Variants in HELZ observed in about 807,000 individuals in gnomAD.
The protein encoded by HELZ is helicase with zinc finger.
In HELZ, 23 loss-of-function variants were observed where a neutral mutation model predicts 218.2. That is an observed-to-expected ratio of 0.11 (90% CI 0.08 to 0.15). HELZ has a LOEUF of 0.15. Ranked by LOEUF, HELZ falls within the 10% of genes least tolerant of loss-of-function variation. The probability of loss-of-function intolerance (pLI) is 1.00; values close to 1 mark genes in which losing one functional copy is unlikely to be tolerated. For missense variants in HELZ, 1,813 were observed against 2,353.7 expected (o/e 0.77, Z 4.75); for synonymous variants, 814 against 829.4 (o/e 0.98, Z 0.32).
In HELZ at chr17:67,078,180, A is replaced by G; in HGVS notation, c.*72T>C. 9.7e-7 allele frequency: 1 copy of G among 1,031,662 alleles called. No individual in the cohort carries two copies. The highest frequency in any genetic ancestry group is 1.5e-6 in the Non-Finnish European group (1 of 673,794). 63.9% of individuals were successfully genotyped at this position (1,031,662 alleles called of 1,614,324 possible). A position where few individuals can be genotyped will look rare whatever the true frequency, so the allele number is the denominator to read the frequency against. Reference sequence around the variant, plus strand: ...AAGGGAACTGTGCATCTATAGATGAAGTCCAACTACCTTAATTCTACTGAT... The same window carrying G: ...AAGGGAACTGTGCATCTATAGATGAGGTCCAACTACCTTAATTCTACTGAT... On this transcript the variant is annotated 3_prime_UTR_variant, in exon 33 of 33. Coordinates refer to ENST00000358691, the MANE Select transcript of HELZ (RefSeq NM_014877.4).
intron 3 of HELZ, among the ~76,000 whole-genome samples, chr17:67,230,119 A>AT (rs201489352): frequency 1.3e-5 from 2 of 152,040 alleles, no homozygotes; most frequent in Non-Finnish European, 1.5e-5. Context: ...TAAAATTGAG[A>AT]TTTTTTTTCC....
At chr17:67,155,528 T>G (rs1049203723) in intron 17 of HELZ, among the ~76,000 whole-genome samples, 1 of 152,238 alleles carries the variant, frequency 6.6e-6, no homozygotes, top group African/African-American at 2.4e-5. Flanking sequence ...TGCATATTAT[T>G]TGTTAGGAGC....
At position 67,188,101 on chromosome 17, in the gene HELZ, C is replaced by A; in HGVS notation, c.1162+218G>T. 1 of 473,762 alleles carries A rather than the reference C, an allele frequency of 2.1e-6. No homozygotes were observed. Among genetic ancestry groups the A allele is most frequent in the Non-Finnish European group, 3.7e-6 (1 of 267,424 alleles). The allele number at this position is 473,762 out of a possible 1,614,324, so 29.3% of individuals were successfully genotyped here. Reference sequence around the variant, plus strand: ...CATCTACTCATACAAGTTTGGGGAACCTCAAAGTTCAAGCTTTACCTGGTG... The same window carrying A: ...CATCTACTCATACAAGTTTGGGGAAACTCAAAGTTCAAGCTTTACCTGGTG... On this transcript the variant is annotated intron_variant, in intron 12 of 32. Coordinates refer to ENST00000358691, the MANE Select transcript of HELZ (RefSeq NM_014877.4). This position sits in a 1 kb window ranked among gnomAD's most constrained non-coding sequence, Gnocchi z 4.1.
intron 27 of HELZ, among the ~76,000 whole-genome samples, chr17:67,119,724 T>C (rs560819756): frequency 3.8e-4 from 58 of 152,292 alleles, no homozygotes; most frequent in Non-Finnish European, 6.6e-4. Flanking sequence ...ACAAGATTAA[T>C]GCTTAGTACA....
At chr17:67,224,935 G>C (rs1022550521) in intron 3 of HELZ, 8 of 714,632 alleles carry the variant, frequency 1.1e-5, no homozygotes, top group Non-Finnish European at 2.1e-5. Context: ...GCTAAGACTT[G>C]AGTGCGTTGA....
intron 27 of HELZ, among the ~76,000 whole-genome samples, chr17:67,117,679 A>T (rs1240111510): frequency 6.6e-6 from 1 of 150,952 alleles, no homozygotes; most frequent in Non-Finnish European, 1.5e-5. Context: ...CCTCTCAAGT[A>T]CCTGGGATTA....
At chr17:67,213,051 C>T (rs944701882) in intron 5 of HELZ, among the ~76,000 whole-genome samples, 4 of 152,142 alleles carry the variant, frequency 2.6e-5, no homozygotes, top group Non-Finnish European at 5.9e-5. Context: ...CAGAATAATG[C>T]AACATTTGTC....
intron 3 of HELZ, among the ~76,000 whole-genome samples, chr17:67,235,749 C>A (rs1476657508): frequency 1.3e-5 from 1 of 78,672 alleles, no homozygotes; most frequent in Admixed American, 1.7e-4. Context: ...ACCACACACT[C>A]TTTTTTTTTT....
At chr17:67,233,906 T>C (rs1282039282) in intron 3 of HELZ, among the ~76,000 whole-genome samples, 4 of 151,394 alleles carry the variant, frequency 2.6e-5, no homozygotes, top group African/African-American at 9.7e-5. Flanking sequence ...ATTAGCCAGG[T>C]GTGGTGTCGG....
At chr17:67,092,582 G>T (rs1040980584) in intron 31 of HELZ, among the ~76,000 whole-genome samples, 2 of 152,168 alleles carry the variant, frequency 1.3e-5, no homozygotes, top group Non-Finnish European at 1.5e-5. Flanking sequence ...GCTCCACATG[G>T]ATTCAAGCAC....
chr17:67,227,452 G>T (rs1196635699), intron 3 of HELZ, among the ~76,000 whole-genome samples: 1 of 152,154 alleles, frequency 6.6e-6, no homozygotes, highest in Non-Finnish European at 1.5e-5. Context: ...CTCCCAAAGT[G>T]CTGGGATTAC....
chr17:67,202,372 T>C (rs1225428058), intron 6 of HELZ, among the ~76,000 whole-genome samples: 2 of 152,198 alleles, frequency 1.3e-5, no homozygotes, highest in African/African-American at 4.8e-5. Flanking sequence ...CACATGCCTA[T>C]TGCCCTAGCT....
chr17:67,091,336 T>C (rs1179131478), intron 31 of HELZ, among the ~76,000 whole-genome samples: 2 of 152,054 alleles, frequency 1.3e-5, no homozygotes, highest in Admixed American at 6.5e-5. Flanking sequence ...ACTCTGAAAA[T>C]TGACTAATAA....
At chr17:67,240,747 T>G (rs367796190) in intron 2 of HELZ, among the ~76,000 whole-genome samples, 1 of 152,218 alleles carries the variant, frequency 6.6e-6, no homozygotes, top group Non-Finnish European at 1.5e-5. Context: ...AGACAAGATA[T>G]ATGTATACAC....
intron 22 of HELZ, among the ~76,000 whole-genome samples, chr17:67,137,232 T>A (rs1037110494): frequency 1.3e-5 from 2 of 152,204 alleles, no homozygotes; most frequent in Non-Finnish European, 2.9e-5. Context: ...TCTTCTCCTC[T>A]CCAGGCCAAA....
At chr17:67,179,731 A>G (rs866965949) in intron 12 of HELZ, 12 of 152,222 alleles carry the variant, frequency 7.9e-5, no homozygotes, top group Non-Finnish European at 4.4e-5. Context: ...TACCTAAAAA[A>G]GAAAACTTAA....
At position 67,105,661 on chromosome 17, in the gene HELZ, T is replaced by C. The variant is rs140708100; in HGVS notation, c.5241+1508A>G. The stretch of plus-strand genomic sequence containing the variant: ...AAACATCACTTAACTGAAAATTACA[T>C]TACTGATCAGTTGTAAAACTACTGT... On this transcript the variant is annotated intron_variant, in intron 31 of 32. Coordinates refer to ENST00000358691, the MANE Select transcript of HELZ (RefSeq NM_014877.4). Among the ~76,000 whole-genome samples the C allele has an allele frequency of 6.6e-5, 10 of 152,362 alleles. 1 individual carries two copies. The highest frequency in any genetic ancestry group is 2.2e-4 in the African/African-American group (9 of 41,590).
chr17:67,171,837 G>GTT (rs60962244), intron 13 of HELZ, among the ~76,000 whole-genome samples: 9 of 144,194 alleles, frequency 6.2e-5, no homozygotes, highest in East Asian at 2.0e-4. Context: ...GTTTTGTTTT[G>GTT]TTTTTTTTTT....
chr17:67,218,559 T>C (rs747247028), intron 4 of HELZ, 36 bp downstream of exon 4: 1 of 1,485,290 alleles, frequency 6.7e-7, no homozygotes, highest in South Asian at 1.1e-5. Flanking sequence ...CCATTTTACA[T>C]AGTTCAGCAT....
Sources: gnomAD v4.1 joint callset for allele counts (sites outside exome capture counted in the v4.1 genomes callset) on GRCh38, gnomAD v4.1.1 for gene constraint, Gnocchi (gnomAD v3.1) non-coding constraint, MANE v1.5 for transcripts, NCBI Gene and HGNC (gene_info 2026-07-23, HGNC 2026-07-21) for gene names.